Variants in THSD7B observed in about 807,000 individuals in gnomAD.
The protein encoded by THSD7B is thrombospondin type 1 domain containing 7B.
THSD7B carries 138 observed loss-of-function variants against 213.6 expected under a neutral mutation model. The observed-to-expected ratio is 0.65, with a 90% confidence interval of 0.56 to 0.74. The LOEUF (loss-of-function observed/expected upper bound fraction) is 0.74, where lower values mean the gene tolerates loss of function less well. Ranked by LOEUF, THSD7B falls within the 30% of genes least tolerant of loss-of-function variation. The pLI, the probability that THSD7B is intolerant of heterozygous loss-of-function variation, is 0.00. For synonymous variants in THSD7B, 742 were observed against 687.0 expected (o/e 1.08, Z -1.25); for missense variants, 1,931 against 1,991.5 (o/e 0.97, Z 0.58).
At chr2:137,576,681 G>A (rs1344457097) in intron 17 of THSD7B, among the ~76,000 whole-genome samples, 1 of 152,094 alleles carries the variant, frequency 6.6e-6, no homozygotes. Context: ...GAAAGCCAAT[G>A]CAGAAGCTGC....
At chr2:136,872,746 G>A (rs1683453896) in intron 1 of THSD7B, among the ~76,000 whole-genome samples, 1 of 142,840 alleles carries the variant, frequency 7.0e-6, no homozygotes, top group African/African-American at 2.6e-5. Context: ...CAAGGCAGGT[G>A]GATCATGAGG....
At chr2:137,490,320 C>G (rs932806498) in intron 15 of THSD7B, among the ~76,000 whole-genome samples, 1 of 152,316 alleles carries the variant, frequency 6.6e-6, no homozygotes, top group Admixed American at 6.5e-5. Context: ...ATTGATGACA[C>G]TTCCCTGTTT....
chr2:137,254,891 G>A (rs925465608), intron 10 of THSD7B, among the ~76,000 whole-genome samples: 5 of 152,016 alleles, frequency 3.3e-5, no homozygotes, highest in Admixed American at 6.6e-5. Context: ...ATGTGTGTGC[G>A]TGTGTATGTG....
At chr2:137,302,810 AC>A (rs778735412) in intron 12 of THSD7B, among the ~76,000 whole-genome samples, 1 of 152,126 alleles carries the variant, frequency 6.6e-6, no homozygotes, top group Non-Finnish European at 1.5e-5. Context: ...TTTTTAGAAA[AC>A]TTTTCTGTAT....
At chr2:137,581,152 G>A (rs114159658) in intron 17 of THSD7B, among the ~76,000 whole-genome samples, 1,951 of 152,194 alleles carry the variant, frequency 0.013, 41 homozygotes, top group African/African-American at 0.044. Flanking sequence ...ATTAAAGTAT[G>A]TATGTGTTCA....
intron 2 of THSD7B, among the ~76,000 whole-genome samples, chr2:136,949,078 T>C (rs1412826760): frequency 1.3e-5 from 2 of 152,158 alleles, no homozygotes; most frequent in African/African-American, 4.8e-5. Context: ...AACCTTACCT[T>C]GTCTTAGTTT....
At chr2:137,430,835 C>A (rs1687164030) in intron 14 of THSD7B, among the ~76,000 whole-genome samples, 1 of 152,116 alleles carries the variant, frequency 6.6e-6, no homozygotes, top group Admixed American at 6.5e-5. Flanking sequence ...AGGGAAGACA[C>A]TGACCAGAGG....
At chr2:137,299,569 A>G (rs1441577987) in intron 12 of THSD7B, among the ~76,000 whole-genome samples, 2 of 152,224 alleles carry the variant, frequency 1.3e-5, no homozygotes, top group South Asian at 2.1e-4. Context: ...AGATTTCCCA[A>G]GAAATCTCAG....
intron 7 of THSD7B, among the ~76,000 whole-genome samples, chr2:137,203,776 C>T (rs1166656607): frequency 2.0e-5 from 3 of 151,896 alleles, no homozygotes; most frequent in African/African-American, 7.3e-5. Flanking sequence ...GAATATTATG[C>T]AGTGTATTTC....
intron 15 of THSD7B, among the ~76,000 whole-genome samples, chr2:137,491,147 AC>A (rs1203037904): frequency 6.6e-6 from 1 of 152,194 alleles, no homozygotes; most frequent in Non-Finnish European, 1.5e-5. Context: ...TGAAACTATA[AC>A]CTCTTAACCA....
chr2:137,506,536 T>C lies in THSD7B; in HGVS notation c.3138+55513T>C, dbSNP rs1679838567. 1.3e-5 allele frequency among the ~76,000 whole-genome samples: 2 copies of C among 152,238 alleles called. 1 individual carries two copies. The highest frequency in any genetic ancestry group is 3.8e-4 in the East Asian group (2 of 5,200). On this transcript the variant is annotated intron_variant, in intron 15 of 27. Coordinates refer to ENST00000409968, the MANE Select transcript of THSD7B (RefSeq NM_001316349.2). ...GCCTGTGATTCTCTGTGATTCTGAC[T>C]CTCAAACGCTGCTTTGTGGAAAGCA...
chr2:136,940,180 C>T (rs1684797263), intron 2 of THSD7B, among the ~76,000 whole-genome samples: 1 of 152,042 alleles, frequency 6.6e-6, no homozygotes. Flanking sequence ...ACCTACCCTC[C>T]AACCCTTCCT....
At chr2:137,081,995 C>T (rs917433945) in intron 3 of THSD7B, among the ~76,000 whole-genome samples, 6 of 152,066 alleles carry the variant, frequency 3.9e-5, no homozygotes, top group Non-Finnish European at 7.4e-5. Flanking sequence ...TCTCTAAGGT[C>T]TACCAGCTAT....
At chr2:137,139,015 A>G (rs1251129282) in intron 5 of THSD7B, among the ~76,000 whole-genome samples, 1 of 152,100 alleles carries the variant, frequency 6.6e-6, no homozygotes, top group African/African-American at 2.4e-5. Context: ...ATTACTGAGC[A>G]CATCTTCCAT....
intron 17 of THSD7B, among the ~76,000 whole-genome samples, chr2:137,588,942 GGTAATTTTTGTATTTTTA>G (rs1460259038): frequency 6.6e-6 from 1 of 151,972 alleles, no homozygotes; most frequent in African/African-American, 2.4e-5. Flanking sequence ...ACCATGCCCA[GGTAATTTTTGTATTTTTA>G]GTAGAGATGG....
intron 2 of THSD7B, among the ~76,000 whole-genome samples, chr2:136,991,560 G>A (rs1685784733): frequency 6.6e-6 from 1 of 152,120 alleles, no homozygotes; most frequent in East Asian, 1.9e-4. Context: ...TTGGGTTCCA[G>A]AGTAGCAGAA....
At chr2:137,471,016 T>C (rs547574662) in intron 15 of THSD7B, among the ~76,000 whole-genome samples, 2 of 150,656 alleles carry the variant, frequency 1.3e-5, no homozygotes, top group Non-Finnish European at 3.0e-5. Context: ...GCCTCCCAGG[T>C]TCAAGTGATT....
chr2:137,294,438 C>T (rs897694646), intron 12 of THSD7B, among the ~76,000 whole-genome samples: 10 of 151,794 alleles, frequency 6.6e-5, no homozygotes, highest in African/African-American at 2.2e-4. Context: ...CAAAAATTAG[C>T]TGGACGTGGT....
intron 12 of THSD7B, among the ~76,000 whole-genome samples, chr2:137,383,720 T>C (rs1252274084): frequency 6.6e-6 from 1 of 152,166 alleles, no homozygotes; most frequent in African/African-American, 2.4e-5. Flanking sequence ...CCATGGGTCA[T>C]ACCCAAGCAC....
Sources: allele counts gnomAD v4.1 joint callset (sites outside exome capture counted in the v4.1 genomes callset), GRCh38; gene constraint gnomAD v4.1.1; transcripts MANE v1.5; gene names NCBI Gene and HGNC (gene_info 2026-07-23, HGNC 2026-07-21).